Variants in PACRG observed in about 807,000 individuals in gnomAD.
PACRG encodes the protein parkin coregulated.
Under a neutral mutation model 29.7 loss-of-function variants are expected in PACRG, and 29 were observed. The observed-to-expected ratio is 0.98, with a 90% CI of 0.73 to 1.33. PACRG has a LOEUF of 1.33. Among genes scored for constraint, PACRG ranks in the 40% most tolerant of loss-of-function variants. The pLI is 0.00. For synonymous variants in PACRG, 116 were observed against 118.7 expected (o/e 0.98, Z 0.15); for missense variants, 279 against 316.2 (o/e 0.88, Z 0.89).
rs80276252 is a variant in PACRG at position 163,314,327 on chromosome 6, T to C, written c.614-500T>C. ...AATGAGCAAAATGATTTCAAGGAAC[T>C]GAACACTTGGATTACTGGGATTCAG... On this transcript the variant is annotated intron_variant, in intron 4 of 4. Transcript: ENST00000366888. Among the ~76,000 whole-genome samples the C allele has an allele frequency of 3.4e-3, 519 of 152,336 alleles. 16 individuals carry two copies. In the East Asian group the frequency reaches 0.078, roughly 23 times the overall value.
At chr6:162,951,688 A>G (rs952611084) in intron 2 of PACRG, among the ~76,000 whole-genome samples, 1 of 152,224 alleles carries the variant, frequency 6.6e-6, no homozygotes, top group Non-Finnish European at 1.5e-5. Context: ...AGCTGGGGGC[A>G]TACTTTAACG....
chr6:163,115,642 C>A (rs925598429), intron 4 of PACRG, among the ~76,000 whole-genome samples: 5 of 151,976 alleles, frequency 3.3e-5, no homozygotes, highest in Admixed American at 1.3e-4. Context: ...AAAATAAAAA[C>A]AAGCAGGACG....
chr6:163,049,502 G>T (rs1030923135), intron 2 of PACRG, among the ~76,000 whole-genome samples: 1 of 151,808 alleles, frequency 6.6e-6, no homozygotes, highest in Non-Finnish European at 1.5e-5. Context: ...AAACATTAAC[G>T]AATTCAAAAA....
intron 2 of PACRG, among the ~76,000 whole-genome samples, chr6:162,989,332 CTG>C (rs1803202348): frequency 2.6e-5 from 4 of 152,196 alleles, no homozygotes; most frequent in African/African-American, 9.6e-5. Flanking sequence ...CTGAGGATAC[CTG>C]ACAGATGTAT....
intron 1 of PACRG, among the ~76,000 whole-genome samples, chr6:162,796,138 G>A (rs1170351111): frequency 6.6e-6 from 1 of 152,096 alleles, no homozygotes; most frequent in Non-Finnish European, 1.5e-5. Flanking sequence ...AGCAATAGAG[G>A]ACATCCATAT....
chr6:162,813,662 G>A (rs924823754), intron 1 of PACRG, among the ~76,000 whole-genome samples: 10 of 151,778 alleles, frequency 6.6e-5, no homozygotes, highest in African/African-American at 2.2e-4. Flanking sequence ...CATTTTAGTA[G>A]TTTTATTGTT....
intron 1 of PACRG, 64 bp from the exon 2 acceptor site, chr6:162,814,083 T>C: frequency 6.7e-7 from 1 of 1,487,798 alleles, no homozygotes; most frequent in Non-Finnish European, 9.0e-7. Flanking sequence ...CAGAAAGTTC[T>C]TTTATTATGA....
chr6:162,737,759 A>C (rs897294418), intron 1 of PACRG, among the ~76,000 whole-genome samples: 4 of 152,148 alleles, frequency 2.6e-5, no homozygotes, highest in African/African-American at 4.8e-5. Context: ...CATCATTTTG[A>C]GTTGGAAATG....
At chr6:163,213,417 T>G (rs1228382158) in intron 4 of PACRG, among the ~76,000 whole-genome samples, 1 of 152,210 alleles carries the variant, frequency 6.6e-6, no homozygotes, top group Non-Finnish European at 1.5e-5. Flanking sequence ...TTAAGGATGT[T>G]ATTGGGACAA....
chr6:163,137,535 G>A (rs1816982413), intron 4 of PACRG, among the ~76,000 whole-genome samples: 1 of 152,002 alleles, frequency 6.6e-6, no homozygotes, highest in African/African-American at 2.4e-5. Context: ...AGAACAGGGC[G>A]AGCTCTCCGA....
At chr6:162,833,227 A>G (rs1391946387) in intron 2 of PACRG, among the ~76,000 whole-genome samples, 5 of 152,172 alleles carry the variant, frequency 3.3e-5, no homozygotes, top group East Asian at 1.9e-4. Flanking sequence ...TTACCTAACC[A>G]TAGCCATGTT....
chr6:163,305,500 G>A (rs1785167195), intron 4 of PACRG, among the ~76,000 whole-genome samples: 1 of 152,184 alleles, frequency 6.6e-6, no homozygotes, highest in Non-Finnish European at 1.5e-5. Flanking sequence ...TTGTATTCAT[G>A]AAAGCCTTAT....
At chr6:163,284,983 C>T (rs1033780816) in intron 4 of PACRG, among the ~76,000 whole-genome samples, 3 of 152,216 alleles carry the variant, frequency 2.0e-5, no homozygotes, top group Admixed American at 2.0e-4. Context: ...TGGGGCAGTG[C>T]AGTAGCCATT....
At chr6:163,098,523 C>T (rs1041321661) in intron 4 of PACRG, among the ~76,000 whole-genome samples, 4 of 152,166 alleles carry the variant, frequency 2.6e-5, no homozygotes, top group African/African-American at 9.7e-5. Flanking sequence ...GCGGGAGAGC[C>T]CAGATGCCGG....
intron 2 of PACRG, among the ~76,000 whole-genome samples, chr6:163,030,994 C>T (rs1398238235): frequency 6.6e-6 from 1 of 152,080 alleles, no homozygotes; most frequent in East Asian, 1.9e-4. Context: ...AGCCCAGTAG[C>T]TTCTTCAAGC....
chr6:162,771,059 C>T (rs1029588077), intron 1 of PACRG, among the ~76,000 whole-genome samples: 3 of 152,066 alleles, frequency 2.0e-5, no homozygotes, highest in Admixed American at 2.0e-4. Flanking sequence ...CAATGAAATA[C>T]ATTAGTATTC....
rs552241128 is a variant in PACRG, at chr6:162,883,194, T to A, written c.291+68913T>A. 2.7e-4 allele frequency among the ~76,000 whole-genome samples: 41 copies of A among 152,286 alleles called. 2 individuals are homozygous for A. The South Asian group carries it at 7.9e-3, about 29-fold the overall frequency. On this transcript the variant is annotated intron_variant, in intron 2 of 4. Coordinates refer to ENST00000366888, the MANE Select transcript of PACRG (RefSeq NM_001080379.2). ...TGACTACCAATTTGTTAGATTTTTT[T>A]AAAAATGTGATTTCACATAATTATA...
chr6:162,976,090 T>G (rs1562795868), intron 2 of PACRG, among the ~76,000 whole-genome samples: 1 of 151,852 alleles, frequency 6.6e-6, no homozygotes, highest in Non-Finnish European at 1.5e-5. Flanking sequence ...CAGAATAAAG[T>G]GTATGTTTGA....
At chr6:162,802,189 T>C (rs1785933671) in intron 1 of PACRG, among the ~76,000 whole-genome samples, 1 of 152,208 alleles carries the variant, frequency 6.6e-6, no homozygotes, top group Non-Finnish European at 1.5e-5. Context: ...TTGGAGCTAA[T>C]GTATTTGAGT....
Sources: allele counts gnomAD v4.1 joint callset (sites outside exome capture counted in the v4.1 genomes callset), GRCh38; gene constraint gnomAD v4.1.1; transcripts MANE v1.5; gene names NCBI Gene and HGNC (gene_info 2026-07-23, HGNC 2026-07-21).